The following ANO2 variants were observed in gnomAD, a reference collection of about 807,000 sequenced individuals.
ANO2 encodes anoctamin 2, also known as anoctamin-2.
In ANO2, 101 loss-of-function variants were observed where a neutral mutation model predicts 124.2. The ratio of observed to expected loss-of-function variants is 0.81; its 90% CI spans 0.69 to 0.96. The LOEUF (loss-of-function observed/expected upper bound fraction) is 0.96, where lower values mean the gene tolerates loss of function less well. Among genes scored for constraint, ANO2 ranks in the 40% least tolerant of loss-of-function variants. ANO2 has a pLI of 0.00. For synonymous variants in ANO2, 486 were observed against 482.5 expected (o/e 1.01, Z -0.09); for missense variants, 1,293 against 1,274.5 (o/e 1.01, Z -0.22).
At chr12:5,895,562 T>G (rs1327073449) in intron 3 of ANO2, among the ~76,000 whole-genome samples, 2 of 152,010 alleles carry the variant, frequency 1.3e-5, no homozygotes, top group South Asian at 4.2e-4. Flanking sequence ...ATCAGGGAAA[T>G]GCAAATTAAA....
Position 5,850,627 on chromosome 12 carries a change from C to A in ANO2, c.633+3416G>T, listed in dbSNP as rs531274778. On this transcript the variant is annotated intron_variant, in intron 4 of 24. Transcript: ENST00000682330. Reference sequence around the variant, plus strand: ...ATTGACAAACAGAATTGGTGCTGGGCTAATGAGTTACTACTTGACACAGTA... The same window carrying A: ...ATTGACAAACAGAATTGGTGCTGGGATAATGAGTTACTACTTGACACAGTA... Among the ~76,000 whole-genome samples the A allele has an allele frequency of 9.2e-5, 14 of 152,258 alleles. 2 individuals are homozygous for A. Among genetic ancestry groups the A allele is most frequent in the African/African-American group, 3.4e-4 (14 of 41,524 alleles).
chr12:5,641,657 G>T (rs1315379822), intron 15 of ANO2, among the ~76,000 whole-genome samples: 1 of 152,172 alleles, frequency 6.6e-6, no homozygotes, highest in Non-Finnish European at 1.5e-5. Context: ...CCCAGCTCCT[G>T]CCCACATGGT....
chr12:5,659,732 C>T (rs1343163200), intron 14 of ANO2, among the ~76,000 whole-genome samples: 1 of 152,224 alleles, frequency 6.6e-6, no homozygotes, highest in Non-Finnish European at 1.5e-5. Flanking sequence ...TTTCTGGCTC[C>T]CCAGAGAGCT....
rs1940106169 is a variant in ANO2, at chr12:5,900,398, A to G, written c.534+20642T>C. ...TTTCCATGCCCAGTGTTTAGCACCC[A>G]TCTAGAGGGCAGAGGACAATTTAAA... On this transcript the variant is annotated intron_variant, in intron 3 of 24. Transcript: ENST00000682330. The surrounding 1 kb of genome is among the most constrained non-coding windows in gnomAD (Gnocchi z 4.2). Among the ~76,000 whole-genome samples the G allele has an allele frequency of 6.6e-6, 1 of 152,180 alleles. No individual in the cohort carries two copies. The highest frequency in any genetic ancestry group is 2.4e-5 in the African/African-American group (1 of 41,440).
intron 3 of ANO2, among the ~76,000 whole-genome samples, chr12:5,860,523 G>A (rs1163445497): frequency 2.6e-5 from 4 of 152,156 alleles, no homozygotes; most frequent in Non-Finnish European, 4.4e-5. Flanking sequence ...GATTCCATTT[G>A]GATCCTGTGA....
upstream of ANO2, chr12:5,946,134 C>A: frequency 3.1e-6 from 5 of 1,613,630 alleles, no homozygotes; most frequent in Non-Finnish European, 4.2e-6. This position sits in a 1 kb window ranked among gnomAD's most constrained non-coding sequence, Gnocchi z 4.1. Flanking sequence ...TCAAGTATGC[C>A]ATTTGTGATC....
Position 5,563,248 on chromosome 12 carries a change from G to C in ANO2, c.*51C>G. On this transcript the variant is annotated 3_prime_UTR_variant, in exon 25 of 25. Coordinates refer to ENST00000682330, the MANE Select transcript of ANO2 (RefSeq NM_001364791.2). ...TGTGGGTGTAGGAACATGCTTACGTGCATGTGCGTGTCTCTGCTGCCGTGC... is the reference window on the plus strand; with the variant it reads ...TGTGGGTGTAGGAACATGCTTACGTCCATGTGCGTGTCTCTGCTGCCGTGC... 6.4e-7 allele frequency: 1 copy of C among 1,551,266 alleles called. No individual in the cohort carries two copies. Among genetic ancestry groups the C allele is most frequent in the Non-Finnish European group, 8.7e-7 (1 of 1,154,002 alleles).
chr12:5,615,814 T>C (rs1944776060), intron 16 of ANO2, among the ~76,000 whole-genome samples: 1 of 152,162 alleles, frequency 6.6e-6, no homozygotes, highest in Admixed American at 6.5e-5. Context: ...TTAATTTGGA[T>C]GAATGCAGGA....
Position 5,900,626 on chromosome 12 carries a change from C to A in ANO2, c.534+20414G>T, listed in dbSNP as rs1459700716. 2.0e-5 allele frequency among the ~76,000 whole-genome samples: 3 copies of A among 150,802 alleles called. No individual in the cohort carries two copies. Among genetic ancestry groups the A allele is most frequent in the Admixed American group, 6.6e-5 (1 of 15,164 alleles). On this transcript the variant is annotated intron_variant, in intron 3 of 24. Coordinates refer to ENST00000682330, the MANE Select transcript of ANO2 (RefSeq NM_001364791.2). This position sits in a 1 kb window ranked among gnomAD's most constrained non-coding sequence, Gnocchi z 4.2. ...CCTTTAAAAAAAAAACATGGGGGAG[C>A]ATTTGCTCTACCTCCGCATTTAACG...
intron 1 of ANO2, among the ~76,000 whole-genome samples, chr12:5,928,049 G>C (rs760483736): frequency 5.3e-5 from 8 of 152,156 alleles, no homozygotes; most frequent in Non-Finnish European, 8.8e-5. Context: ...ATTGTGCAGA[G>C]AAAGGGCAGA....
chr12:5,734,237 A>G (rs544259814), intron 13 of ANO2, among the ~76,000 whole-genome samples: 3 of 152,388 alleles, frequency 2.0e-5, no homozygotes, highest in Admixed American at 2.0e-4. Flanking sequence ...TTTCCTAAGC[A>G]CATCATTTCC....
intron 16 of ANO2, among the ~76,000 whole-genome samples, chr12:5,628,963 A>C (rs935963122): frequency 1.3e-5 from 2 of 152,250 alleles, no homozygotes; most frequent in Non-Finnish European, 2.9e-5. Context: ...GCCTTTCCCC[A>C]TCCCTCCTTT....
At chr12:5,899,591 C>A (rs1199411111) in intron 3 of ANO2, among the ~76,000 whole-genome samples, 1 of 152,228 alleles carries the variant, frequency 6.6e-6, no homozygotes, top group Non-Finnish European at 1.5e-5. Context: ...AGGTGACCAA[C>A]AAATGTTTGT....
chr12:5,861,733 G>C (rs113946684), intron 3 of ANO2, among the ~76,000 whole-genome samples: 56 of 152,290 alleles, frequency 3.7e-4, no homozygotes, highest in African/African-American at 1.3e-3. Context: ...TGGAGGAGCA[G>C]AGAGGAGACA....
intron 4 of ANO2, among the ~76,000 whole-genome samples, chr12:5,843,652 G>A (rs1591684640): frequency 6.6e-6 from 1 of 150,712 alleles, no homozygotes; most frequent in South Asian, 2.1e-4. Flanking sequence ...AAACAGTTCC[G>A]ATAAAGGAAG....
intron 13 of ANO2, among the ~76,000 whole-genome samples, chr12:5,737,554 CTT>C (rs1300631410): frequency 4.6e-5 from 7 of 152,196 alleles, no homozygotes; most frequent in African/African-American, 9.6e-5. Flanking sequence ...AGCAGACACA[CTT>C]AACTTGTCTC....
chr12:5,578,066 C>G, intron 21 of ANO2, 59 bp from the exon 22 acceptor site: 1 of 1,558,522 alleles, frequency 6.4e-7, no homozygotes, highest in Non-Finnish European at 8.8e-7. Context: ...GTGATGACAA[C>G]GCTGAAGCTC....
At chr12:5,734,156 C>T (rs567013064) in intron 13 of ANO2, among the ~76,000 whole-genome samples, 136 of 152,308 alleles carry the variant, frequency 8.9e-4, no homozygotes, top group African/African-American at 3.1e-3. Flanking sequence ...TAGAACGTAT[C>T]GACTTTCTGA....
chr12:5,592,050 A>G (rs1204939619), intron 20 of ANO2, among the ~76,000 whole-genome samples: 1 of 152,186 alleles, frequency 6.6e-6, no homozygotes, highest in African/African-American at 2.4e-5. Context: ...GATAATAAAC[A>G]TGGTTCATTT....
Sources: allele counts gnomAD v4.1 joint callset (sites outside exome capture counted in the v4.1 genomes callset), GRCh38; gene constraint gnomAD v4.1.1; non-coding constraint Gnocchi (gnomAD v3.1); transcripts MANE v1.5; gene names NCBI Gene and HGNC (gene_info 2026-07-23, HGNC 2026-07-21).